ZFHX3: variants seen among roughly 807,000 people sequenced by gnomAD.
ZFHX3 encodes zinc finger homeobox protein 3.
Under a neutral mutation model 279.1 loss-of-function variants are expected in ZFHX3, and 42 were observed. The observed-to-expected ratio is 0.15, with a 90% CI of 0.12 to 0.19. The LOEUF (loss-of-function observed/expected upper bound fraction) is 0.19. Among genes scored for constraint, ZFHX3 ranks in the 10% least tolerant of loss-of-function variants. ZFHX3 has a pLI of 1.00. For synonymous variants in ZFHX3, 2,293 were observed against 1,957.8 expected (o/e 1.17, Z -4.52); for missense variants, 4,981 against 4,754.0 (o/e 1.05, Z -1.40).
chr16:73,764,231 C>G, intron 1 of ZFHX3, among the ~76,000 whole-genome samples: 1 of 152,368 alleles, frequency 6.6e-6, no homozygotes, highest in East Asian at 1.9e-4. Flanking sequence ...CTGCTCACTT[C>G]TTGCCCCCAA....
At chr16:72,937,625 C>G (rs1192634803) in intron 3 of ZFHX3, among the ~76,000 whole-genome samples, 1 of 152,182 alleles carries the variant, frequency 6.6e-6, no homozygotes, top group Non-Finnish European at 1.5e-5. Context: ...TCCATGAGTA[C>G]AGGCTGCCAG....
At chr16:73,262,646 T>C (rs2013857693) in intron 4 of ZFHX3, among the ~76,000 whole-genome samples, 1 of 152,080 alleles carries the variant, frequency 6.6e-6, no homozygotes, top group South Asian at 2.1e-4. Context: ...CCCTAGAACA[T>C]AGGAGGTAGA....
At chr16:73,095,242 A>G (rs1050790406) in intron 7 of ZFHX3, among the ~76,000 whole-genome samples, 2 of 152,098 alleles carry the variant, frequency 1.3e-5, no homozygotes, top group Non-Finnish European at 2.9e-5. Context: ...GCTTCTCTTA[A>G]TATTATACTG....
intron 2 of ZFHX3, among the ~76,000 whole-genome samples, chr16:73,662,489 C>A (rs2052795846): frequency 1.1e-5 from 1 of 90,590 alleles, no homozygotes; most frequent in Non-Finnish European, 2.7e-5. Context: ...TTCTTCCATA[C>A]CCCCCTAGGA....
chr16:72,801,900 G>T (rs992522494), intron 7 of ZFHX3, among the ~76,000 whole-genome samples: 1 of 151,620 alleles, frequency 6.6e-6, no homozygotes, highest in Non-Finnish European at 1.5e-5. Flanking sequence ...GAGGTTGGGG[G>T]TAAGAGGGGG....
rs117535308 is a variant in ZFHX3, at chr16:73,838,523, A to T, written c.-1608+53128T>A. On this transcript the variant is annotated intron_variant, in intron 1 of 17. Coordinates refer to the ZFHX3 transcript ENST00000641206. ...GGAGAACTTCAATGAATACTAATAT[A>T]GCTTCCAGATAGCCAAAAAACATAA... 2.0e-5 allele frequency among the ~76,000 whole-genome samples: 3 copies of T among 152,306 alleles called. No individual in the cohort carries two copies. The East Asian group carries it at 5.8e-4, about 29-fold the overall frequency.
chr16:73,071,542 A>G (rs1965827697), intron 8 of ZFHX3, among the ~76,000 whole-genome samples: 1 of 152,038 alleles, frequency 6.6e-6, no homozygotes, highest in Non-Finnish European at 1.5e-5. Flanking sequence ...GCTGCTCAGC[A>G]TCCTCCCAGC....
Position 73,387,177 on chromosome 16 carries a change from C to T in ZFHX3, c.-1291+68826G>A, listed in dbSNP as rs1391752553. ...CTACACTAAAAACCCATGGTCCCTGCATTATTTGAGCAACTGACAAGCTTC... is the reference window on the plus strand; with the variant it reads ...CTACACTAAAAACCCATGGTCCCTGTATTATTTGAGCAACTGACAAGCTTC... On this transcript the variant is annotated intron_variant, in intron 3 of 17. Transcript: ENST00000641206. 3 of 152,174 alleles carry T rather than the reference C, an allele frequency of 2.0e-5. No homozygotes were observed. In the East Asian group the frequency reaches 5.8e-4, roughly 29 times the overall value. 9.4% of individuals were successfully genotyped at this position (152,174 alleles called of 1,614,324 possible). A position where few individuals can be genotyped will look rare whatever the true frequency, so the allele number is the denominator to read the frequency against.
intron 4 of ZFHX3, among the ~76,000 whole-genome samples, chr16:72,855,055 G>A (rs927658837): frequency 6.6e-6 from 1 of 152,052 alleles, no homozygotes; most frequent in African/African-American, 2.4e-5. Flanking sequence ...AGATAAATAC[G>A]TTCCAATTAA....
chr16:73,420,556 A>G (rs1476418454), intron 3 of ZFHX3: 9 of 152,228 alleles, frequency 5.9e-5, no homozygotes, highest in African/African-American at 2.2e-4. Context: ...CAAAGCGCAT[A>G]TTGCCAAGAC....
At chr16:73,725,106 C>G (rs1442097509) in intron 1 of ZFHX3, among the ~76,000 whole-genome samples, 1 of 152,200 alleles carries the variant, frequency 6.6e-6, no homozygotes, top group Non-Finnish European at 1.5e-5. Flanking sequence ...TAGAAAGCAA[C>G]TTTTTAACCG....
intron 3 of ZFHX3, among the ~76,000 whole-genome samples, chr16:73,347,498 C>T (rs373975719): frequency 6.6e-6 from 1 of 152,214 alleles, no homozygotes; most frequent in Non-Finnish European, 1.5e-5. Flanking sequence ...GTCTCTGCAC[C>T]GTCCTCACCC....
chr16:72,837,119 A>T (rs1729854156), intron 4 of ZFHX3, among the ~76,000 whole-genome samples: 1 of 152,212 alleles, frequency 6.6e-6, no homozygotes, highest in African/African-American at 2.4e-5. Context: ...AGTCAATGGG[A>T]CAGAGTGTGG....
chr16:73,690,253 A>C (rs1285421342), intron 1 of ZFHX3, among the ~76,000 whole-genome samples: 1 of 152,172 alleles, frequency 6.6e-6, no homozygotes, highest in African/African-American at 2.4e-5. Flanking sequence ...CAAGAATCCC[A>C]AACTAGATTT....
chr16:72,959,440 C>G lies in ZFHX3; in HGVS notation c.706G>C (p.Val236Leu), dbSNP rs368995910. 5 of 1,614,230 alleles carry G rather than the reference C, an allele frequency of 3.1e-6. No individual in the cohort carries two copies. The highest frequency in any genetic ancestry group is 4.2e-6 in the Non-Finnish European group (5 of 1,180,034). Residue 236 changes from valine (V) to leucine (L), a missense_variant, in exon 2 of 10, where the codon GTG becomes CTG. By Grantham distance (32) the Val-to-Leu change is conservative. Coordinates refer to ENST00000268489, the MANE Select transcript of ZFHX3 (RefSeq NM_006885.4). ...TAATCCTTGTTGCTTTTGTGTCGCA[C>G]GTCAAACACGCGGAAGCTGTGCAGG... ...PVLHSFRVFD[V>L]RHKSNKDYLN...
At chr16:72,827,850 A>G (rs1463578998) in intron 5 of ZFHX3, among the ~76,000 whole-genome samples, 1 of 152,226 alleles carries the variant, frequency 6.6e-6, no homozygotes, top group Admixed American at 6.5e-5. Context: ...CACAGTGGAC[A>G]GTAGAATCCA....
intron 4 of ZFHX3, among the ~76,000 whole-genome samples, chr16:73,308,078 T>C (rs1028679756): frequency 3.3e-5 from 5 of 151,600 alleles, no homozygotes; most frequent in African/African-American, 1.2e-4. Flanking sequence ...CACTTAGAAC[T>C]AGAGAGAGTT....
chr16:73,272,137 C>G (rs932465542), intron 4 of ZFHX3, among the ~76,000 whole-genome samples: 1 of 152,130 alleles, frequency 6.6e-6, no homozygotes, highest in Non-Finnish European at 1.5e-5. Context: ...GTAGAGCTAA[C>G]CGTATTTATT....
intron 3 of ZFHX3, among the ~76,000 whole-genome samples, chr16:73,428,849 T>C (rs1597332133): frequency 6.6e-6 from 1 of 152,164 alleles, no homozygotes; most frequent in African/African-American, 2.4e-5. Flanking sequence ...ACAGTAATTA[T>C]TGGAACTGTC....
Sources: allele counts gnomAD v4.1 joint callset (sites outside exome capture counted in the v4.1 genomes callset), GRCh38; gene constraint gnomAD v4.1.1; transcripts MANE v1.5; gene names NCBI Gene and HGNC (gene_info 2026-07-23, HGNC 2026-07-21).